The following ITPR2 variants were observed in gnomAD, a reference collection of about 807,000 sequenced individuals.
ITPR2 encodes inositol 1,4,5-trisphosphate-gated calcium channel ITPR2.
A neutral mutation model predicts 317.1 loss-of-function variants in ITPR2; 207 were observed. The observed-to-expected ratio is 0.65, with a 90% confidence interval of 0.58 to 0.73. ITPR2 has a LOEUF of 0.73. Ranked by LOEUF, ITPR2 falls within the 30% of genes least tolerant of loss-of-function variation. ITPR2 has a pLI of 0.00. For synonymous variants in ITPR2, 1,156 were observed against 1,149.1 expected (o/e 1.01, Z -0.12); for missense variants, 2,613 against 3,284.0 (o/e 0.80, Z 4.99).
intron 34 of ITPR2, among the ~76,000 whole-genome samples, chr12:26,564,920 T>C (rs1944909200): frequency 6.6e-6 from 1 of 152,110 alleles, no homozygotes; most frequent in South Asian, 2.1e-4. Flanking sequence ...CAAATGTCAA[T>C]AGTATGGAGA....
intron 21 of ITPR2, among the ~76,000 whole-genome samples, chr12:26,651,957 C>T (rs531917581): frequency 4.6e-5 from 7 of 152,306 alleles, no homozygotes; most frequent in Non-Finnish European, 7.4e-5. Context: ...TTACCTGCAA[C>T]CTTGTTCATC....
intron 43 of ITPR2, among the ~76,000 whole-genome samples, chr12:26,479,914 ATAAAAT>A (rs1214783204): frequency 6.6e-6 from 1 of 152,220 alleles, no homozygotes; most frequent in African/African-American, 2.4e-5. Context: ...ACTCAAAAAA[ATAAAAT>A]AAAGATAAAG....
chr12:26,505,222 AG>A (rs1943158428), intron 37 of ITPR2, among the ~76,000 whole-genome samples: 2 of 152,338 alleles, frequency 1.3e-5, no homozygotes, highest in African/African-American at 2.4e-5. Flanking sequence ...CTTCCTACAT[AG>A]GATGTTCTGT....
chr12:26,429,592 C>T (rs911486717), intron 48 of ITPR2, among the ~76,000 whole-genome samples: 1 of 152,188 alleles, frequency 6.6e-6, no homozygotes, highest in Non-Finnish European at 1.5e-5. Flanking sequence ...CTCTTTCTTA[C>T]TGGGACTTGA....
intron 10 of ITPR2, among the ~76,000 whole-genome samples, chr12:26,690,243 T>C (rs1948210733): frequency 1.3e-5 from 2 of 152,192 alleles, no homozygotes; most frequent in Non-Finnish European, 2.9e-5. Context: ...ATGTTATCAG[T>C]CATATTGAAC....
chr12:26,667,145 A>G (rs560450691), intron 13 of ITPR2, among the ~76,000 whole-genome samples: 42 of 152,364 alleles, frequency 2.8e-4, no homozygotes, highest in Non-Finnish European at 5.1e-4. Flanking sequence ...GAATACATTC[A>G]TAAGAAAACT....
chr12:26,570,213 G>A (rs1235279088), intron 34 of ITPR2, among the ~76,000 whole-genome samples: 1 of 152,048 alleles, frequency 6.6e-6, no homozygotes, highest in East Asian at 1.9e-4. Context: ...TAATATACTG[G>A]AAATTAATCG....
intron 45 of ITPR2, among the ~76,000 whole-genome samples, chr12:26,449,739 A>T (rs565283904): frequency 6.6e-6 from 1 of 152,228 alleles, no homozygotes; most frequent in East Asian, 1.9e-4. Flanking sequence ...GAGCCAAGCC[A>T]TGGAGGATGT....
chr12:26,407,750 G>A (rs1940400146), intron 52 of ITPR2, among the ~76,000 whole-genome samples: 1 of 152,154 alleles, frequency 6.6e-6, no homozygotes, highest in African/African-American at 2.4e-5. Context: ...GACTAGCTGT[G>A]ATCTTGGCAA....
intron 32 of ITPR2, among the ~76,000 whole-genome samples, chr12:26,591,730 C>T (rs868070424): frequency 1.2e-4 from 18 of 151,100 alleles, no homozygotes; most frequent in Non-Finnish European, 2.5e-4. Context: ...CCCAGCTACT[C>T]GAGAGGCTGA....
chr12:26,547,392 A>G (rs1159753106), intron 37 of ITPR2, among the ~76,000 whole-genome samples: 1 of 152,234 alleles, frequency 6.6e-6, no homozygotes, highest in African/African-American at 2.4e-5. Context: ...TATTAAAAAG[A>G]CAAAAAAATA....
At position 26,655,705 on chromosome 12, in the gene ITPR2, T is replaced by A. The variant is rs1947356257; in HGVS notation, c.2589+3A>T. 6.2e-7 allele frequency: 1 copy of A among 1,611,160 alleles called. No homozygotes were observed. The highest frequency in any genetic ancestry group is 8.5e-7 in the Non-Finnish European group (1 of 1,178,132). On this transcript the variant is annotated splice_donor_region_variant and intron_variant, in intron 20 of 56. Transcript: ENST00000381340. ...CATCCTAAATATTAGAGGGACAAAG[T>A]ACCTCAAATGTCAGTTTATTTTTTT...
chr12:26,706,365 A>ATGGCCTGAACTGATCAGCTGCAC (rs1948552348), intron 9 of ITPR2, among the ~76,000 whole-genome samples: 1 of 152,182 alleles, frequency 6.6e-6, no homozygotes, highest in Admixed American at 6.5e-5. Context: ...CTTGATATAT[A>ATGGCCTGAACTGATCAGCTGCAC]TGGCCTGAAC....
chr12:26,659,883 T>C (rs1348194102), intron 15 of ITPR2, among the ~76,000 whole-genome samples: 2 of 152,246 alleles, frequency 1.3e-5, no homozygotes, highest in Non-Finnish European at 2.9e-5. Context: ...ATCTGTAAGA[T>C]CTTTTCTTTA....
chr12:26,355,738 T>G (rs1376783149), intron 55 of ITPR2, among the ~76,000 whole-genome samples: 2 of 152,184 alleles, frequency 1.3e-5, no homozygotes, highest in African/African-American at 4.8e-5. Context: ...TTTTTTCCCC[T>G]CAGTCTTTCA....
intron 21 of ITPR2, among the ~76,000 whole-genome samples, chr12:26,643,957 C>T (rs925338632): frequency 8.5e-5 from 13 of 152,098 alleles, no homozygotes; most frequent in African/African-American, 2.9e-4. Context: ...AGTGACCATT[C>T]GTAAAGAGTT....
intron 55 of ITPR2, among the ~76,000 whole-genome samples, chr12:26,360,920 A>G (rs1938807216): frequency 1.3e-5 from 2 of 152,058 alleles, no homozygotes; most frequent in Non-Finnish European, 2.9e-5. Context: ...GAGAACTAAC[A>G]ACAATGTTAG....
At chr12:26,581,989 T>C (rs1945414919) in intron 32 of ITPR2, among the ~76,000 whole-genome samples, 2 of 152,302 alleles carry the variant, frequency 1.3e-5, no homozygotes, top group Admixed American at 6.5e-5. Flanking sequence ...AATTTGCTTT[T>C]TAGTCAGTGG....
At chr12:26,503,095 G>T (rs991499560) in intron 37 of ITPR2, among the ~76,000 whole-genome samples, 4 of 151,932 alleles carry the variant, frequency 2.6e-5, no homozygotes, top group African/African-American at 7.2e-5. Flanking sequence ...CCACAAACAA[G>T]AGAGTGTGGC....
Sources: gnomAD v4.1 joint callset for allele counts (sites outside exome capture counted in the v4.1 genomes callset) on GRCh38, gnomAD v4.1.1 for gene constraint, MANE v1.5 for transcripts, NCBI Gene and HGNC (gene_info 2026-07-23, HGNC 2026-07-21) for gene names.